Variants in C6orf118 observed in about 807,000 individuals in gnomAD.
C6orf118 encodes the protein uncharacterized protein C6orf118.
Under a neutral mutation model 50.2 loss-of-function variants are expected in C6orf118, and 50 were observed. The ratio of observed to expected loss-of-function variants is 1.00; its 90% CI spans 0.79 to 1.26. The LOEUF is 1.26. Ranked by LOEUF, C6orf118 falls within the 50% of genes most tolerant of loss-of-function variation. The pLI, the probability that C6orf118 is intolerant of heterozygous loss-of-function variation, is 0.00. For missense variants in C6orf118, 641 were observed against 578.7 expected (o/e 1.11, Z -1.10); for synonymous variants, 239 against 230.9 (o/e 1.03, Z -0.32).
chr6:165,289,343 A>G (rs539151023), intron 7 of C6orf118, among the ~76,000 whole-genome samples: 123 of 152,288 alleles, frequency 8.1e-4, no homozygotes, highest in Admixed American at 9.8e-4. Context: ...ATTTAACTAT[A>G]GAACCACAAT....
intron 6 of C6orf118, 34 bp downstream of exon 6, chr6:165,293,379 C>T: frequency 6.2e-7 from 1 of 1,602,556 alleles, no homozygotes; most frequent in Non-Finnish European, 8.6e-7. Context: ...CACAGCAAAG[C>T]ACCCATAAGG....
intron 1 of C6orf118, among the ~76,000 whole-genome samples, chr6:165,308,167 C>T (rs1024108576): frequency 6.6e-6 from 1 of 152,152 alleles, no homozygotes; most frequent in African/African-American, 2.4e-5. Context: ...AATGATGGGA[C>T]CCAGAGCTGG....
chr6:165,308,594 C>T (rs2084336239), intron 1 of C6orf118, among the ~76,000 whole-genome samples: 1 of 152,150 alleles, frequency 6.6e-6, no homozygotes. Flanking sequence ...CAGCCTGAAG[C>T]TCTTTGTATA....
At chr6:165,300,589 G>A (rs2128162882) in intron 2 of C6orf118, 103 bp from the exon 3 acceptor site, 2 of 1,134,470 alleles carry the variant, frequency 1.8e-6, no homozygotes, top group Admixed American at 2.2e-5. Flanking sequence ...TCACCCTGGC[G>A]AGTGGGCGGG....
At chr6:165,284,780 G>A (rs2128157107) in intron 7 of C6orf118, among the ~76,000 whole-genome samples, 1 of 152,284 alleles carries the variant, frequency 6.6e-6, no homozygotes, top group East Asian at 1.9e-4. Context: ...AATGCTGAGG[G>A]AATTTGTCAC....
rs1780866165 is a variant in C6orf118 at position 165,309,543 on chromosome 6, G to A, written c.25+19C>T. ...AAGCAAATCTCACAAGCCAGCAAGA[G>A]CCGCTCCAGGCCACTTACATTCAGG... is the stretch of plus-strand genomic sequence containing the variant. On this transcript the variant is annotated intron_variant, in intron 1 of 8. Transcript: ENST00000230301. 6.2e-7 allele frequency: 1 copy of A among 1,613,984 alleles called. No individual in the cohort carries two copies. The highest frequency in any genetic ancestry group is 1.1e-5 in the South Asian group (1 of 91,088).
At chr6:165,298,217 A>T in intron 4 of C6orf118, 116 bp from the exon 5 acceptor site, 2 of 1,248,056 alleles carry the variant, frequency 1.6e-6, no homozygotes, top group Non-Finnish European at 2.1e-6. Flanking sequence ...TATAAGTTCT[A>T]GTTAAAATAG....
intron 7 of C6orf118, among the ~76,000 whole-genome samples, chr6:165,288,099 C>A (rs918230839): frequency 4.6e-5 from 7 of 152,070 alleles, no homozygotes; most frequent in African/African-American, 1.4e-4. Context: ...AAACAAACAA[C>A]CCCATTAAAA....
chr6:165,281,540 C>T (rs544443751), intron 8 of C6orf118, 100 bp downstream of exon 8: 2 of 1,427,440 alleles, frequency 1.4e-6, no homozygotes, highest in Non-Finnish European at 1.8e-6. Flanking sequence ...CAGTAACCTA[C>T]AAAGAATTAC....
At chr6:165,301,467 G>T (rs536166007) in intron 2 of C6orf118, 102 bp downstream of exon 2, 1 of 1,461,578 alleles carries the variant, frequency 6.8e-7, no homozygotes, top group South Asian at 1.3e-5. Context: ...CCGGAGCTCT[G>T]CCCCGAGAGG....
chr6:165,283,375 G>A (rs929393238), intron 7 of C6orf118, among the ~76,000 whole-genome samples: 7 of 152,178 alleles, frequency 4.6e-5, no homozygotes, highest in African/African-American at 1.7e-4. Flanking sequence ...TCAGGGTCTT[G>A]GGTCCCAAGC....
chr6:165,298,568 G>A (rs146037371), intron 4 of C6orf118, among the ~76,000 whole-genome samples: 19 of 152,208 alleles, frequency 1.2e-4, no homozygotes, highest in Non-Finnish European at 2.4e-4. Context: ...TACAGACACA[G>A]AAAGAGGCAT....
At chr6:165,307,892 A>G (rs1183211304) in intron 1 of C6orf118, among the ~76,000 whole-genome samples, 2 of 152,176 alleles carry the variant, frequency 1.3e-5, no homozygotes, top group South Asian at 2.1e-4. Flanking sequence ...AAGAGCGTCC[A>G]TCACTCCCCT....
chr6:165,306,900 T>C (rs565511477), intron 1 of C6orf118, among the ~76,000 whole-genome samples: 1 of 149,676 alleles, frequency 6.7e-6, no homozygotes, highest in Non-Finnish European at 1.5e-5. Flanking sequence ...TTAATCATTT[T>C]CCCATCTGAA....
chr6:165,295,376 T>C (rs1780253299), intron 5 of C6orf118, among the ~76,000 whole-genome samples: 4 of 152,240 alleles, frequency 2.6e-5, no homozygotes, highest in Admixed American at 2.6e-4. Flanking sequence ...TTTGGGAACA[T>C]GTAATTTAGC....
At position 165,279,743 on chromosome 6, in the gene C6orf118, A is replaced by T. The variant is rs778812595; in HGVS notation, c.*314T>A. ...AAATAAACAAATTTGAGCTGTATTCAAGCAGCGCTGAATTCCTTATTCTTA... is the reference window on the plus strand; with the variant it reads ...AAATAAACAAATTTGAGCTGTATTCTAGCAGCGCTGAATTCCTTATTCTTA... On this transcript the variant is annotated 3_prime_UTR_variant, in exon 9 of 9. Transcript: ENST00000230301. 5.5e-5 allele frequency: 13 copies of T among 237,956 alleles called. No individual in the cohort carries two copies. Among genetic ancestry groups the T allele is most frequent in the Non-Finnish European group, 9.6e-5 (12 of 125,312 alleles). The allele number at this position is 237,956 out of a possible 1,614,324, so 14.7% of individuals were successfully genotyped here.
chr6:165,301,046 T>G (rs1317575703), intron 2 of C6orf118, among the ~76,000 whole-genome samples: 1 of 152,066 alleles, frequency 6.6e-6, no homozygotes, highest in Non-Finnish European at 1.5e-5. Context: ...TACGAACATC[T>G]GATTTACTGT....
chr6:165,288,089 A>C (rs190435369), intron 7 of C6orf118, among the ~76,000 whole-genome samples: 7 of 152,318 alleles, frequency 4.6e-5, no homozygotes, highest in Admixed American at 3.9e-4. Flanking sequence ...TTACAAGAAA[A>C]AACAAACAAC....
chr6:165,295,366 T>C (rs1215543228), intron 5 of C6orf118, among the ~76,000 whole-genome samples: 2 of 152,242 alleles, frequency 1.3e-5, no homozygotes, highest in Non-Finnish European at 2.9e-5. Flanking sequence ...TGAAATGCTC[T>C]TTGGGAACAT....
Sources: gnomAD v4.1 joint callset for allele counts (sites outside exome capture counted in the v4.1 genomes callset) on GRCh38, gnomAD v4.1.1 for gene constraint, MANE v1.5 for transcripts, NCBI Gene and HGNC (gene_info 2026-07-23, HGNC 2026-07-21) for gene names.